Variants in NRXN2 observed in about 807,000 individuals in gnomAD.
The protein encoded by NRXN2 is neurexin-2-beta.
Under a neutral mutation model 128.8 loss-of-function variants are expected in NRXN2, and 29 were observed. That is an observed-to-expected ratio of 0.23 (90% confidence interval 0.17 to 0.31). The LOEUF (loss-of-function observed/expected upper bound fraction) is 0.31. Ranked by LOEUF, NRXN2 falls within the 10% of genes least tolerant of loss-of-function variation. The probability of loss-of-function intolerance (pLI) is 1.00; values close to 1 mark genes in which losing one functional copy is unlikely to be tolerated. For synonymous variants in NRXN2, 1,098 were observed against 1,075.2 expected (o/e 1.02, Z -0.41); for missense variants, 1,881 against 2,452.6 (o/e 0.77, Z 4.92).
intron 18 of NRXN2, among the ~76,000 whole-genome samples, chr11:64,633,920 T>C (rs2044305779): frequency 6.6e-6 from 1 of 152,098 alleles, no homozygotes; most frequent in Non-Finnish European, 1.5e-5. Flanking sequence ...CCCTTCCTCA[T>C]CCGCTGCCAC....
Position 64,630,427 on chromosome 11 carries a change from C to A in NRXN2, c.3732G>T (p.Trp1244Cys). ...CTGCCGGGTACCGCTCGTTGACCGGCCAGCTGTCCACCTGCAGGGTGGCGT... is the reference window on the plus strand; with the variant it reads ...CTGCCGGGTACCGCTCGTTGACCGGACAGCTGTCCACCTGCAGGGTGGCGT... Reference protein sequence around the residue: ...GGNATLQVDSWPVNERYPAGN... With the variant: ...GGNATLQVDSCPVNERYPAGN... The change falls in exon 19 of 23, where the codon TGG (tryptophan) becomes TGT (cysteine). Residue 1244 changes from tryptophan (W) to cysteine (C), a missense_variant. Physicochemically the swap from Trp to Cys is radical, Grantham distance 215 (BLOSUM62 -2). This residue lies in a region of NRXN2 where 390 missense variants were observed against 599.6 expected (regional missense o/e 0.65). Coordinates refer to ENST00000265459, the MANE Select transcript of NRXN2 (RefSeq NM_015080.4). The surrounding 1 kb of genome is among the most constrained non-coding windows in gnomAD (Gnocchi z 4.6). 1 of 1,612,922 alleles carries A rather than the reference C, an allele frequency of 6.2e-7. No homozygotes were observed. Among genetic ancestry groups the A allele is most frequent in the East Asian group, 2.2e-5 (1 of 44,868 alleles).
Position 64,692,728 on chromosome 11 carries a change from G to A in NRXN2, c.778+119C>T, listed in dbSNP as rs536031372. 14 of 937,524 alleles carry A rather than the reference G, an allele frequency of 1.5e-5. No individual in the cohort carries two copies. The South Asian group carries it at 1.7e-4, about 11-fold the overall frequency. 58.1% of individuals were successfully genotyped at this position (937,524 alleles called of 1,614,324 possible). The stretch of plus-strand genomic sequence containing the variant: ...AGGAAGCGGGTAGGAAAGGAAGGAA[G>A]GTGTCAGGACAGGTGGAGGAGGGGA... On this transcript the variant is annotated intron_variant, in intron 4 of 22. Coordinates refer to ENST00000265459, the MANE Select transcript of NRXN2 (RefSeq NM_015080.4).
At chr11:64,701,105 T>C (rs1347633592) in intron 2 of NRXN2, among the ~76,000 whole-genome samples, 1 of 152,148 alleles carries the variant, frequency 6.6e-6, no homozygotes, top group African/African-American at 2.4e-5. Context: ...CTTGGAACAT[T>C]AATAAGCCTA....
In NRXN2 at chr11:64,632,038, A is replaced by G. The variant is rs548139352; in HGVS notation, c.3586-1465T>C. ...CCAGTCTGGCCTGGACATGTGGAAC[A>G]TTCAGCTGCCACCTCCTTCCTGCAT... On this transcript the variant is annotated intron_variant, in intron 18 of 22. Transcript: ENST00000265459. This position sits in a 1 kb window ranked among gnomAD's most constrained non-coding sequence, Gnocchi z 4.2. Among the ~76,000 whole-genome samples, 28 of 152,222 alleles carry G rather than the reference A, an allele frequency of 1.8e-4. No homozygotes were observed. Among genetic ancestry groups the G allele is most frequent in the Non-Finnish European group, 3.5e-4 (24 of 68,022 alleles).
intron 2 of NRXN2, among the ~76,000 whole-genome samples, chr11:64,701,574 C>T (rs1312977064): frequency 1.3e-5 from 2 of 152,052 alleles, no homozygotes; most frequent in Non-Finnish European, 2.9e-5. Context: ...CCCGTCTCTA[C>T]AAACAAACGC....
intron 5 of NRXN2, 68 bp from the exon 6 acceptor site, chr11:64,686,015 C>A: frequency 6.4e-7 from 1 of 1,567,352 alleles, no homozygotes; most frequent in South Asian, 1.1e-5. Flanking sequence ...GCTTCCCTCT[C>A]CCCTCCAGCA....
rs753965753 is a variant in NRXN2, at chr11:64,685,795, C to G, written c.1003G>C (p.Asp335His). The G allele has an allele frequency of 7.4e-6, 12 of 1,614,112 alleles. No individual in the cohort carries two copies. The highest frequency in any genetic ancestry group is 1.0e-5 in the Non-Finnish European group (12 of 1,180,054). ...GACTTGAGGGACAGGTTGACGTAGT[C>G]GGCCGACTTGCCTGTATGCAGCATC... ...GLMLHTGKSA[D>H]YVNLSLKSGA... The change falls in exon 6 of 23, where the codon GAC becomes CAC. Residue 335 changes from aspartate (D) to histidine (H), a missense_variant. Asp to His is a moderately conservative substitution (Grantham distance 81, BLOSUM62 -1). Coordinates refer to ENST00000265459, the MANE Select transcript of NRXN2 (RefSeq NM_015080.4).
chr11:64,622,476 T>C lies in NRXN2; in HGVS notation c.4173+277A>G, dbSNP rs376820282. ...TTAGGTAGGGTGGTCTTCTCTCATA[T>C]AACTGGGCCATCAAACTCCTCCCCA... On this transcript the variant is annotated intron_variant, in intron 21 of 22. Coordinates refer to ENST00000265459, the MANE Select transcript of NRXN2 (RefSeq NM_015080.4). The surrounding 1 kb of genome is among the most constrained non-coding windows in gnomAD (Gnocchi z 4.3). 2.0e-5 allele frequency among the ~76,000 whole-genome samples: 3 copies of C among 152,238 alleles called. No individual in the cohort carries two copies. Among genetic ancestry groups the C allele is most frequent in the African/African-American group, 4.8e-5 (2 of 41,468 alleles).
Position 64,713,328 on chromosome 11 carries a change from C to T in NRXN2, c.372G>A (p.Thr124=). 7.3e-7 allele frequency: 1 copy of T among 1,373,538 alleles called. No homozygotes were observed. Among genetic ancestry groups the T allele is most frequent in the Non-Finnish European group, 9.3e-7 (1 of 1,071,288 alleles). The allele number at this position is 1,373,538 out of a possible 1,614,324, so 85.1% of individuals were successfully genotyped here. Residue 124 remains threonine, a synonymous_variant, in exon 2 of 23, where the codon ACG becomes ACA. Coordinates refer to ENST00000265459, the MANE Select transcript of NRXN2 (RefSeq NM_015080.4). ...MVLLTRDARR[T]ALAVDGEARA... is the part of the protein sequence containing the mutation. The stretch of plus-strand genomic sequence containing the variant: ...GGGCCTCGCCGTCCACCGCCAGCGC[C>T]GTGCGGCGCGCGTCGCGGGTCAGCA...
At chr11:64,643,826 T>C (rs887345495) in intron 17 of NRXN2, among the ~76,000 whole-genome samples, 4 of 151,950 alleles carry the variant, frequency 2.6e-5, no homozygotes, top group African/African-American at 9.6e-5. Context: ...TGCTGAATAA[T>C]GGAACGGGAT....
At chr11:64,685,586 C>G in intron 6 of NRXN2, 60 bp downstream of exon 6, 6 of 1,609,934 alleles carry the variant, frequency 3.7e-6, no homozygotes, top group Non-Finnish European at 5.1e-6. Flanking sequence ...AGCCCCCTCT[C>G]CCAACCCCCA....
chr11:64,688,235 G>T, intron 5 of NRXN2: 1 of 946,464 alleles, frequency 1.1e-6, no homozygotes, highest in Non-Finnish European at 1.3e-6. Flanking sequence ...CTCCTGGGGT[G>T]GGTGGCAAAG....
At chr11:64,662,496 T>A (rs2135492114) in intron 9 of NRXN2, among the ~76,000 whole-genome samples, 1 of 151,980 alleles carries the variant, frequency 6.6e-6, no homozygotes, top group African/African-American at 2.4e-5. Context: ...TTAAAAGGGG[T>A]CGGGGCCGGG....
intron 3 of NRXN2, among the ~76,000 whole-genome samples, chr11:64,694,979 G>A (rs1041590361): frequency 3.9e-5 from 6 of 152,120 alleles, no homozygotes; most frequent in Admixed American, 6.5e-5. Flanking sequence ...CGCCAGCCTC[G>A]TTAGCATTCG....
intron 2 of NRXN2, among the ~76,000 whole-genome samples, chr11:64,708,390 T>C (rs1318599123): frequency 6.6e-6 from 1 of 152,166 alleles, no homozygotes; most frequent in East Asian, 1.9e-4. Flanking sequence ...GCACATCCCT[T>C]CTTCTTTAAT....
intron 2 of NRXN2, among the ~76,000 whole-genome samples, chr11:64,707,618 T>C (rs550891769): frequency 6.6e-6 from 1 of 152,356 alleles, no homozygotes; most frequent in East Asian, 1.9e-4. Flanking sequence ...GCACTTTACA[T>C]GAACTAGCTA....
At chr11:64,638,449 T>G (rs1206995553) in intron 17 of NRXN2, among the ~76,000 whole-genome samples, 2 of 152,052 alleles carry the variant, frequency 1.3e-5, no homozygotes, top group East Asian at 3.9e-4. Flanking sequence ...CTGGGAGGCG[T>G]GGCTTCCGCC....
chr11:64,690,301 G>A lies in NRXN2; in HGVS notation c.850+104C>T, dbSNP rs1485877894. 5.8e-6 allele frequency: 6 copies of A among 1,039,622 alleles called. No homozygotes were observed. The African/African-American group carries it at 6.3e-5, about 11-fold the overall frequency. 64.4% of individuals were successfully genotyped at this position (1,039,622 alleles called of 1,614,324 possible). ...ATCACTTCCCACAGGCCTCAGAGAGGACAAGGGGATGTGCCTGCGTTGACT... is the reference window on the plus strand; with the variant it reads ...ATCACTTCCCACAGGCCTCAGAGAGAACAAGGGGATGTGCCTGCGTTGACT... On this transcript the variant is annotated intron_variant, in intron 5 of 22. Coordinates refer to ENST00000265459, the MANE Select transcript of NRXN2 (RefSeq NM_015080.4).
At chr11:64,661,344 G>C in intron 9 of NRXN2, 1 of 1,455,216 alleles carries the variant, frequency 6.9e-7, no homozygotes, top group Non-Finnish European at 9.0e-7. Context: ...AGGCTCAGAG[G>C]CTTCTGTGAC....
Sources: allele counts gnomAD v4.1 joint callset (sites outside exome capture counted in the v4.1 genomes callset), GRCh38; gene constraint gnomAD v4.1.1; regional missense constraint gnomAD v4.1.1; non-coding constraint Gnocchi (gnomAD v3.1); transcripts MANE v1.5; gene names NCBI Gene and HGNC (gene_info 2026-07-23, HGNC 2026-07-21).